The following SLC2A11 variants were observed in gnomAD, a reference collection of about 807,000 sequenced individuals.
The protein encoded by SLC2A11 is solute carrier family 2 member 11.
In SLC2A11, 43 loss-of-function variants were observed where a neutral mutation model predicts 52.1. The observed-to-expected ratio is 0.82, with a 90% CI of 0.65 to 1.06. The LOEUF (loss-of-function observed/expected upper bound fraction) is 1.06, where lower values mean the gene tolerates loss of function less well. Ranked by LOEUF, SLC2A11 falls within the 50% of genes least tolerant of loss-of-function variation. SLC2A11 has a pLI of 0.00. For synonymous variants in SLC2A11, 261 were observed against 277.6 expected (o/e 0.94, Z 0.59); for missense variants, 582 against 654.2 (o/e 0.89, Z 1.20).
At chr22:23,859,908 A>G (rs1045196214) in intron 1 of SLC2A11, among the ~76,000 whole-genome samples, 1 of 152,244 alleles carries the variant, frequency 6.6e-6, no homozygotes, top group Non-Finnish European at 1.5e-5. Flanking sequence ...AAAATAATAC[A>G]TTTAATTCTA....
At chr22:23,878,952 T>G (rs1166097460) in intron 6 of SLC2A11, among the ~76,000 whole-genome samples, 1 of 152,192 alleles carries the variant, frequency 6.6e-6, no homozygotes, top group Non-Finnish European at 1.5e-5. Flanking sequence ...CCAAAATTAA[T>G]GCTCTCATTT....
At chr22:23,877,315 G>A in intron 5 of SLC2A11, 144 bp downstream of exon 5, 2 of 1,391,214 alleles carry the variant, frequency 1.4e-6, no homozygotes, top group Non-Finnish European at 2.0e-6. Context: ...CCACATCTCT[G>A]CTGCCAATTC....
intron 3 of SLC2A11, chr22:23,869,793 G>T (rs1018743): frequency 0.78 from 414,341 of 534,244 alleles, 162,221 homozygotes; most frequent in African/African-American, 0.94. Context: ...CCCAGCAGAT[G>T]CAGTGTACCG....
chr22:23,874,371 C>T (rs747542957), intron 3 of SLC2A11, among the ~76,000 whole-genome samples: 11 of 152,064 alleles, frequency 7.2e-5, no homozygotes, highest in South Asian at 2.1e-4. Context: ...ACTGCAGCCT[C>T]GTACTCTTGG....
chr22:23,870,694 ATTTTTTAT>A, intron 3 of SLC2A11: 1 of 151,220 alleles, frequency 6.6e-6, no homozygotes, highest in Non-Finnish European at 1.5e-5. Context: ...TTTATTTTTT[ATTTTTTAT>A]TTTTTTTGAG....
At chr22:23,859,291 T>C (rs2031969103) in intron 1 of SLC2A11, among the ~76,000 whole-genome samples, 1 of 152,218 alleles carries the variant, frequency 6.6e-6, no homozygotes, top group Admixed American at 6.5e-5. Flanking sequence ...TTATTGGAAC[T>C]ATGGGCAGCC....
At chr22:23,857,344 CT>C, upstream of SLC2A11, 3 of 1,361,952 alleles carry the variant, frequency 2.2e-6, no homozygotes. Flanking sequence ...ACCAGAGTCG[CT>C]TGCTGGCACT....
At chr22:23,874,057 A>C (rs925155283) in intron 3 of SLC2A11, among the ~76,000 whole-genome samples, 2 of 152,156 alleles carry the variant, frequency 1.3e-5, no homozygotes, top group Admixed American at 1.3e-4. Context: ...ATGCTTCATC[A>C]TGATGGAGCA....
At position 23,879,139 on chromosome 22, in the gene SLC2A11, T is replaced by C. The variant is rs985202263; in HGVS notation, c.694+1270T>C. 2.6e-5 allele frequency among the ~76,000 whole-genome samples: 4 copies of C among 152,150 alleles called. No homozygotes were observed. The East Asian group carries it at 7.8e-4, about 30-fold the overall frequency. ...GCACCCCAGGCCATGGTTCTTTTAT[T>C]TTTTTTATTTTTTTTATCTTTTAGA... is the stretch of plus-strand genomic sequence containing the variant. On this transcript the variant is annotated intron_variant, in intron 6 of 11. Transcript: ENST00000316185.
intron 5 of SLC2A11, chr22:23,877,468 A>G (rs906866562): frequency 1.3e-6 from 1 of 766,084 alleles, no homozygotes; most frequent in African/African-American, 1.7e-5. Context: ...GTCATTCCAG[A>G]AAAAAGAGGA....
chr22:23,857,692 ACT>A (rs778605578), upstream of SLC2A11, among the ~76,000 whole-genome samples: 3 of 149,826 alleles, frequency 2.0e-5, no homozygotes, highest in Non-Finnish European at 3.0e-5. Flanking sequence ...CCTCCGCGAC[ACT>A]CTAGCGGCTC....
At chr22:23,877,956 C>A in intron 6 of SLC2A11, 87 bp downstream of exon 6, 1 of 1,428,492 alleles carries the variant, frequency 7.0e-7, no homozygotes, top group Non-Finnish European at 9.3e-7. Context: ...TCATAGGTTT[C>A]ATTTATCAAG....
chr22:23,877,246 C>T, intron 5 of SLC2A11, 75 bp downstream of exon 5: 1 of 1,568,514 alleles, frequency 6.4e-7, no homozygotes, highest in Non-Finnish European at 8.7e-7. Flanking sequence ...TAAATGTCTC[C>T]CCTACCCACT....
At chr22:23,859,492 AT>A (rs11284722) in intron 1 of SLC2A11, among the ~76,000 whole-genome samples, 112,793 of 147,860 alleles carry the variant, frequency 0.76, 42,996 homozygotes, top group Middle Eastern at 0.84. Context: ...AACATTCAGC[AT>A]TTTTTTTTTT....
chr22:23,859,056 A>G lies in SLC2A11; in HGVS notation c.30+1027A>G, dbSNP rs116285814. ...TCCATGCATGATCTCATTGAATTCA[A>G]CGATTTCCTGTAGTCTTAGAGACCT... On this transcript the variant is annotated intron_variant, in intron 1 of 11. Coordinates refer to ENST00000316185, the MANE Select transcript of SLC2A11 (RefSeq NM_001024939.4). Among the ~76,000 whole-genome samples, 677 of 152,332 alleles carry G rather than the reference A, an allele frequency of 4.4e-3. 8 individuals carry two copies. Among genetic ancestry groups the G allele is most frequent in the African/African-American group, 0.016 (645 of 41,574 alleles).
At position 23,885,450 on chromosome 22, in the gene SLC2A11, C is replaced by T. The variant is rs968851029; in HGVS notation, c.*601C>T. ...AGGTGGCTGATGCCTGTAATCCCAG[C>T]ACTTTGGGAGGCCAAGATGGGAAGA... On this transcript the variant is annotated 3_prime_UTR_variant, in exon 12 of 12. Coordinates refer to ENST00000316185, the MANE Select transcript of SLC2A11 (RefSeq NM_001024939.4). 6.6e-6 allele frequency: 1 copy of T among 151,272 alleles called. No homozygotes were observed. Among genetic ancestry groups the T allele is most frequent in the East Asian group, 1.9e-4 (1 of 5,132 alleles). The allele number at this position is 151,272 out of a possible 1,614,324, so 9.4% of individuals were successfully genotyped here.
chr22:23,859,795 C>T (rs1047108025), intron 1 of SLC2A11, among the ~76,000 whole-genome samples: 1 of 152,214 alleles, frequency 6.6e-6, no homozygotes, highest in Non-Finnish European at 1.5e-5. Flanking sequence ...GGCCAACACT[C>T]AGTATTTGAC....
rs1421827787 is a variant in SLC2A11 at position 23,885,610 on chromosome 22, A to G, written c.*761A>G. 6.6e-6 allele frequency: 1 copy of G among 151,714 alleles called. No homozygotes were observed. The highest frequency in any genetic ancestry group is 6.6e-5 in the Admixed American group (1 of 15,222). The allele number at this position is 151,714 out of a possible 1,614,324, so 9.4% of individuals were successfully genotyped here. On this transcript the variant is annotated 3_prime_UTR_variant, in exon 12 of 12. Transcript: ENST00000316185. ...GGTCCCAGCTACTCAGGAGGCTGAA[A>G]TGGGAGGATCACTTGAGCCTGGGAG...
chr22:23,857,577 A>ACC (rs750630400), upstream of SLC2A11: 235,266 of 1,138,958 alleles, frequency 0.21, 5,470 homozygotes, highest in East Asian at 0.25. Context: ...GTGACCCCAA[A>ACC]CCCCCCCCCC....
Sources: gnomAD v4.1 joint callset for allele counts (sites outside exome capture counted in the v4.1 genomes callset) on GRCh38, gnomAD v4.1.1 for gene constraint, MANE v1.5 for transcripts, NCBI Gene and HGNC (gene_info 2026-07-23, HGNC 2026-07-21) for gene names.